Variants in CNTN3 observed in about 807,000 individuals in gnomAD.
CNTN3 encodes the protein contactin 3.
In CNTN3, 60 loss-of-function variants were observed where a neutral mutation model predicts 119.1. The observed-to-expected ratio is 0.50, with a 90% CI of 0.41 to 0.62. CNTN3 has a LOEUF of 0.62. CNTN3 is among the 20% of genes least tolerant of loss of function. CNTN3 has a pLI of 0.00. For missense variants in CNTN3, 1,101 were observed against 1,242.4 expected, an observed-to-expected ratio of 0.89 and a Z score of 1.71; for synonymous variants, 450 against 438.7, an observed-to-expected ratio of 1.03 and a Z score of -0.32.
At chr3:74,382,207 T>TA (rs778429754) in intron 5 of CNTN3, among the ~76,000 whole-genome samples, 273 of 150,924 alleles carry the variant, frequency 1.8e-3, no homozygotes, top group African/African-American at 5.2e-3. Context: ...AAATTCCGCC[T>TA]AAAAAAAAAC....
At chr3:74,558,433 C>A (rs1183032929) in intron 1 of CNTN3, among the ~76,000 whole-genome samples, 1 of 152,164 alleles carries the variant, frequency 6.6e-6, no homozygotes, top group Non-Finnish European at 1.5e-5. Flanking sequence ...GTCTTATCTA[C>A]ATATCCCTAA....
At chr3:74,354,212 G>C (rs1428555807) in intron 11 of CNTN3, among the ~76,000 whole-genome samples, 2 of 151,950 alleles carry the variant, frequency 1.3e-5, no homozygotes, top group African/African-American at 2.4e-5. Context: ...ATTAAATGTT[G>C]CATAAAACAT....
At chr3:74,451,438 T>C (rs531149674) in intron 4 of CNTN3, among the ~76,000 whole-genome samples, 6 of 152,202 alleles carry the variant, frequency 3.9e-5, no homozygotes, top group African/African-American at 9.6e-5. Context: ...GAGTAGGTTG[T>C]GAAAATTTTC....
rs370021008 is a variant in CNTN3 at position 74,295,142 on chromosome 3, A to G, written c.2496T>C (p.Asn832=). Residue 832 remains asparagine (N), a synonymous_variant, in exon 19 of 23, where the codon AAT becomes AAC. Transcript: ENST00000263665. ...SWNTIPWKLS[N]GHLLGYEVRY... ...TTACCTCATAGCCCAGTAAATGTCC[A>G]TTGCTCAACTTCCAAGGAATGGTGT... 3.1e-5 allele frequency: 50 copies of G among 1,610,470 alleles called. No homozygotes were observed. In the South Asian group the frequency reaches 4.6e-4, roughly 15 times the overall value.
At chr3:74,435,596 A>T (rs1430234859) in intron 4 of CNTN3, among the ~76,000 whole-genome samples, 1 of 152,218 alleles carries the variant, frequency 6.6e-6, no homozygotes, top group Non-Finnish European at 1.5e-5. Flanking sequence ...TGCTTCATCC[A>T]CACTGAGTAA....
intron 4 of CNTN3, among the ~76,000 whole-genome samples, chr3:74,446,408 G>C: frequency 6.6e-6 from 1 of 151,656 alleles, no homozygotes. Flanking sequence ...AATATAATTC[G>C]TGTGTGTGTG....
chr3:74,520,165 A>T (rs1002773519), intron 2 of CNTN3, among the ~76,000 whole-genome samples: 11 of 149,216 alleles, frequency 7.4e-5, no homozygotes, highest in Non-Finnish European at 1.6e-4. Context: ...TAAGGAGATG[A>T]GTATTAAATT....
Position 74,399,643 on chromosome 3 carries a change from T to C in CNTN3, c.454+25202A>G, listed in dbSNP as rs534510022. ...TTATAACAGAATGATTTATATTCCT[T>C]TGGGTATATACCCAGTGATGGAATT... On this transcript the variant is annotated intron_variant, in intron 5 of 22. Coordinates refer to ENST00000263665, the MANE Select transcript of CNTN3 (RefSeq NM_020872.3). Among the ~76,000 whole-genome samples, 7 of 152,288 alleles carry C rather than the reference T, an allele frequency of 4.6e-5. No individual in the cohort carries two copies. In the South Asian group the frequency reaches 1.4e-3, roughly 32 times the overall value.
chr3:74,396,650 G>A (rs1705063948), intron 5 of CNTN3, among the ~76,000 whole-genome samples: 1 of 151,238 alleles, frequency 6.6e-6, no homozygotes, highest in South Asian at 2.1e-4. Flanking sequence ...GGAGGCTGAG[G>A]CAGGAGAATG....
intron 1 of CNTN3, among the ~76,000 whole-genome samples, chr3:74,560,824 T>C (rs952106081): frequency 1.3e-5 from 2 of 151,834 alleles, no homozygotes; most frequent in Non-Finnish European, 2.9e-5. Context: ...CACATACACA[T>C]CATGGAATAC....
At position 74,601,908 on chromosome 3, in the gene CNTN3, G is replaced by C. The variant is rs188951200; in HGVS notation, c.-81+12483C>G. Among the ~76,000 whole-genome samples, 34 of 152,188 alleles carry C rather than the reference G, an allele frequency of 2.2e-4. No homozygotes were observed. In the South Asian group the frequency reaches 4.6e-3, roughly 20 times the overall value. On this transcript the variant is annotated intron_variant, in intron 1 of 22. Coordinates refer to ENST00000263665, the MANE Select transcript of CNTN3 (RefSeq NM_020872.3). ...TCAGGGAGCTTCTCCTTCAGAATCA[G>C]TTCCACCATGAGACATATGGAAACA...
intron 11 of CNTN3, among the ~76,000 whole-genome samples, chr3:74,347,333 A>C (rs1401377602): frequency 6.7e-6 from 1 of 150,316 alleles, no homozygotes; most frequent in Non-Finnish European, 1.5e-5. Context: ...CCTCCAATTC[A>C]TGGGTTCAAG....
chr3:74,416,591 T>C (rs1363887484), intron 5 of CNTN3, among the ~76,000 whole-genome samples: 1 of 152,064 alleles, frequency 6.6e-6, no homozygotes, highest in Non-Finnish European at 1.5e-5. Context: ...AGAGTACCCA[T>C]TAAAGGAGTC....
chr3:74,398,740 T>C (rs1705116246), intron 5 of CNTN3, among the ~76,000 whole-genome samples: 1 of 152,226 alleles, frequency 6.6e-6, no homozygotes, highest in Non-Finnish European at 1.5e-5. Context: ...GTCATACTAT[T>C]AGCCAGGCCT....
intron 4 of CNTN3, among the ~76,000 whole-genome samples, chr3:74,461,419 C>T (rs367999205): frequency 1.1e-4 from 16 of 152,064 alleles, no homozygotes; most frequent in African/African-American, 3.6e-4. Context: ...GTTCTTCTAT[C>T]CCCTAAATTG....
chr3:74,319,185 C>G (rs1702916302), intron 13 of CNTN3, among the ~76,000 whole-genome samples: 1 of 151,944 alleles, frequency 6.6e-6, no homozygotes. Context: ...CATATGGAAC[C>G]AAAAAAGAGC....
At position 74,577,434 on chromosome 3, in the gene CNTN3, GA is replaced by G. The variant is rs1422925190; in HGVS notation, c.-81+36956del. Among the ~76,000 whole-genome samples, 7 of 152,024 alleles carry G rather than the reference GA, an allele frequency of 4.6e-5. No individual in the cohort carries two copies. In the East Asian group the frequency reaches 1.2e-3, roughly 25 times the overall value. ...ATTATACTTTCTCAAGAGTGGGGGG[GA>G]AAAAGAATTAGAGTACGTGTATGTT... On this transcript the variant is annotated intron_variant, in intron 1 of 22. Coordinates refer to ENST00000263665, the MANE Select transcript of CNTN3 (RefSeq NM_020872.3).
At chr3:74,400,860 A>C (rs903162905) in intron 5 of CNTN3, among the ~76,000 whole-genome samples, 3 of 152,202 alleles carry the variant, frequency 2.0e-5, no homozygotes, top group Non-Finnish European at 1.5e-5. Context: ...ACAAGACTTT[A>C]AGGATTGATT....
chr3:74,559,907 T>C (rs140271781), intron 1 of CNTN3, among the ~76,000 whole-genome samples: 2 of 152,296 alleles, frequency 1.3e-5, no homozygotes, highest in East Asian at 3.9e-4. Flanking sequence ...TCTGAGACAC[T>C]GGGGCACACT....
Sources: gnomAD v4.1 joint callset for allele counts (sites outside exome capture counted in the v4.1 genomes callset) on GRCh38, gnomAD v4.1.1 for gene constraint, MANE v1.5 for transcripts, NCBI Gene and HGNC (gene_info 2026-07-23, HGNC 2026-07-21) for gene names.